CCDC192: variants seen among roughly 807,000 people sequenced by gnomAD.
The protein encoded by CCDC192 is coiled-coil domain containing 192.
chr5:127,768,967 A>G (rs945574072), intron 3 of CCDC192, among the ~76,000 whole-genome samples: 3 of 152,228 alleles, frequency 2.0e-5, no homozygotes, highest in Non-Finnish European at 4.4e-5. Flanking sequence ...ATTTAGCACA[A>G]GAGAACGCTT....
intron 2 of CCDC192, among the ~76,000 whole-genome samples, chr5:127,734,266 T>C (rs1752831565): frequency 2.0e-5 from 3 of 152,036 alleles, no homozygotes; most frequent in Non-Finnish European, 4.4e-5. Context: ...TCATCACTTT[T>C]TATGGCTGCA....
intron 1 of CCDC192, among the ~76,000 whole-genome samples, chr5:127,706,696 A>C (rs553797666): frequency 4.5e-4 from 69 of 152,328 alleles, no homozygotes; most frequent in African/African-American, 1.6e-3. Flanking sequence ...AACAACAGAA[A>C]AAATTTCCTG....
chr5:127,729,333 C>T (rs145493703), intron 2 of CCDC192, among the ~76,000 whole-genome samples: 2,019 of 152,244 alleles, frequency 0.013, 42 homozygotes, highest in African/African-American at 0.043. Flanking sequence ...TATATATGCA[C>T]CCAATGCAGG....
At chr5:127,887,296 T>C (rs1387585383) in intron 6 of CCDC192, among the ~76,000 whole-genome samples, 1 of 125,830 alleles carries the variant, frequency 7.9e-6, no homozygotes, top group African/African-American at 3.1e-5. Context: ...GCCACTGCAC[T>C]CCAGCCTGGG....
intron 3 of CCDC192, among the ~76,000 whole-genome samples, chr5:127,774,066 G>C (rs1034584869): frequency 3.9e-5 from 6 of 152,092 alleles, no homozygotes; most frequent in Admixed American, 3.9e-4. Context: ...GTCTTCTTTA[G>C]AGAAATGTCT....
intron 5 of CCDC192, among the ~76,000 whole-genome samples, chr5:127,853,544 G>C (rs142261062): frequency 1.3e-5 from 2 of 152,148 alleles, no homozygotes; most frequent in African/African-American, 4.8e-5. Flanking sequence ...AGGTTGATTC[G>C]GGCAGATCAC....
chr5:127,736,524 C>A (rs1257269175), intron 2 of CCDC192, among the ~76,000 whole-genome samples: 2 of 151,826 alleles, frequency 1.3e-5, no homozygotes, highest in Non-Finnish European at 2.9e-5. Context: ...CTCCTTTTAC[C>A]TCTGGTAGAA....
chr5:127,719,747 G>A (rs1751898117), intron 2 of CCDC192, among the ~76,000 whole-genome samples: 1 of 150,136 alleles, frequency 6.7e-6, no homozygotes. Context: ...CAGAAAGCAT[G>A]GCTGGGAGGC....
intron 3 of CCDC192, among the ~76,000 whole-genome samples, chr5:127,774,719 C>T (rs754807251): frequency 6.6e-5 from 10 of 152,076 alleles, no homozygotes; most frequent in Non-Finnish European, 1.2e-4. Flanking sequence ...TTACAAGATA[C>T]CATAGGCTGT....
At chr5:127,828,228 T>C (rs1175254515) in intron 5 of CCDC192, among the ~76,000 whole-genome samples, 1 of 152,202 alleles carries the variant, frequency 6.6e-6, no homozygotes, top group Non-Finnish European at 1.5e-5. Context: ...ATTTGAAGAC[T>C]TGACTCCACG....
At chr5:127,731,525 C>T (rs916726165) in intron 2 of CCDC192, among the ~76,000 whole-genome samples, 5 of 152,086 alleles carry the variant, frequency 3.3e-5, no homozygotes, top group African/African-American at 1.2e-4. Context: ...CTTTAGAATT[C>T]ATACAGAACC....
At chr5:127,894,412 C>G (rs1380154907) in intron 6 of CCDC192, among the ~76,000 whole-genome samples, 3 of 151,934 alleles carry the variant, frequency 2.0e-5, no homozygotes, top group Non-Finnish European at 2.9e-5. Flanking sequence ...AGGATGGTCT[C>G]GATCTCCTGA....
intron 2 of CCDC192, among the ~76,000 whole-genome samples, chr5:127,729,801 C>T (rs1416732413): frequency 2.0e-5 from 3 of 152,012 alleles, no homozygotes; most frequent in Non-Finnish European, 2.9e-5. Context: ...AGGCAGAAAA[C>T]AAGAAGTTCT....
chr5:127,856,145 T>C (rs1315819999), intron 5 of CCDC192, among the ~76,000 whole-genome samples: 3 of 152,250 alleles, frequency 2.0e-5, no homozygotes, highest in Admixed American at 2.0e-4. Context: ...ATCTGTTGTT[T>C]AGTGTAGCCA....
At chr5:127,829,688 T>C (rs1319809650) in intron 5 of CCDC192, among the ~76,000 whole-genome samples, 2 of 152,178 alleles carry the variant, frequency 1.3e-5, no homozygotes, top group Admixed American at 1.3e-4. Context: ...CTTTTATTGG[T>C]CTATTTTTTT....
chr5:127,808,592 A>G (rs1757921238), intron 5 of CCDC192, among the ~76,000 whole-genome samples: 1 of 152,064 alleles, frequency 6.6e-6, no homozygotes, highest in Non-Finnish European at 1.5e-5. Flanking sequence ...TTCACTAAGA[A>G]TTCCTCTAGG....
intron 6 of CCDC192, among the ~76,000 whole-genome samples, chr5:127,887,037 T>G (rs1752584198): frequency 6.6e-6 from 1 of 152,118 alleles, no homozygotes; most frequent in East Asian, 1.9e-4. Flanking sequence ...TTATCTTAAC[T>G]CTTAAAAAGG....
intron 6 of CCDC192, among the ~76,000 whole-genome samples, chr5:127,895,042 T>C (rs375949768): frequency 1.3e-5 from 2 of 152,222 alleles, no homozygotes; most frequent in African/African-American, 4.8e-5. Flanking sequence ...ATGTGCAGTT[T>C]GGTTACGTAA....
At chr5:127,788,821 ACCT>A (rs1383541301) in intron 3 of CCDC192, among the ~76,000 whole-genome samples, 1 of 151,938 alleles carries the variant, frequency 6.6e-6, no homozygotes, top group Non-Finnish European at 1.5e-5. Flanking sequence ...GAATATTTAC[ACCT>A]CCTCCAATTC....
Sources: gnomAD v4.1 joint callset for allele counts (sites outside exome capture counted in the v4.1 genomes callset) on GRCh38, gnomAD v4.1.1 for gene constraint, MANE v1.5 for transcripts, NCBI Gene and HGNC (gene_info 2026-07-23, HGNC 2026-07-21) for gene names.